SLC10A7: variants seen among roughly 807,000 people sequenced by gnomAD.
SLC10A7 encodes the protein sodium/bile acid cotransporter 7.
Under a neutral mutation model 43.2 loss-of-function variants are expected in SLC10A7, and 29 were observed. The ratio of observed to expected loss-of-function variants is 0.67; its 90% CI spans 0.50 to 0.92. SLC10A7 has a LOEUF of 0.92. Among genes scored for constraint, SLC10A7 ranks in the 40% least tolerant of loss-of-function variants. The probability of loss-of-function intolerance (pLI) is 0.00; values close to 1 mark genes in which losing one functional copy is unlikely to be tolerated. For missense variants in SLC10A7, 295 were observed against 403.2 expected, an observed-to-expected ratio of 0.73 and a Z score of 2.30; for synonymous variants, 152 against 144.8, an observed-to-expected ratio of 1.05 and a Z score of -0.35.
intron 3 of SLC10A7, among the ~76,000 whole-genome samples, chr4:146,509,114 A>G (rs1737201177): frequency 6.6e-6 from 1 of 152,144 alleles, no homozygotes; most frequent in African/African-American, 2.4e-5. Context: ...CCACTTTCAC[A>G]TATCTCACTG....
chr4:146,268,381 T>C, intron 10 of SLC10A7, among the ~76,000 whole-genome samples: 1 of 152,274 alleles, frequency 6.6e-6, no homozygotes, highest in East Asian at 1.9e-4. Context: ...ATAAACTTGA[T>C]GTCTAAGGCC....
At chr4:146,494,426 C>G (rs1227233438) in intron 4 of SLC10A7, among the ~76,000 whole-genome samples, 1 of 152,072 alleles carries the variant, frequency 6.6e-6, no homozygotes, top group African/African-American at 2.4e-5. Context: ...GTCTGAGGCA[C>G]AGTCAAACCC....
At chr4:146,476,715 T>A (rs1164846408) in intron 4 of SLC10A7, among the ~76,000 whole-genome samples, 1 of 152,188 alleles carries the variant, frequency 6.6e-6, no homozygotes, top group Admixed American at 6.5e-5. Flanking sequence ...TATGGTTTTC[T>A]CTAATATTAC....
intron 6 of SLC10A7, 26 bp downstream of exon 6, chr4:146,325,935 A>G (rs1388205781): frequency 1.3e-6 from 2 of 1,599,256 alleles, no homozygotes; most frequent in South Asian, 2.2e-5. Flanking sequence ...AATAAAATAT[A>G]TTAAAGACAA....
At chr4:146,303,358 C>T (rs1218238789) in intron 7 of SLC10A7, among the ~76,000 whole-genome samples, 1 of 150,852 alleles carries the variant, frequency 6.6e-6, no homozygotes, top group Non-Finnish European at 1.5e-5. Flanking sequence ...CGTCTATGCA[C>T]ACATTTCTTT....
At chr4:146,269,023 C>T (rs1728737594) in intron 10 of SLC10A7, among the ~76,000 whole-genome samples, 2 of 152,150 alleles carry the variant, frequency 1.3e-5, no homozygotes, top group Non-Finnish European at 1.5e-5. Flanking sequence ...TGGTTGATTA[C>T]CATTTTTAGG....
chr4:146,420,662 T>TAA (rs1383592540), intron 5 of SLC10A7, among the ~76,000 whole-genome samples: 2 of 152,164 alleles, frequency 1.3e-5, no homozygotes, highest in Non-Finnish European at 2.9e-5. Context: ...TTTCTAATTT[T>TAA]AAAAATGTTG....
At chr4:146,404,056 CAT>C (rs1478703995) in intron 5 of SLC10A7, among the ~76,000 whole-genome samples, 2 of 151,714 alleles carry the variant, frequency 1.3e-5, no homozygotes, top group African/African-American at 4.9e-5. Context: ...TGTTTTAAGA[CAT>C]GATCTTGCTA....
Position 146,288,120 on chromosome 4 carries a change from CA to C in SLC10A7, c.773+4808del, listed in dbSNP as rs139388466. On this transcript the variant is annotated intron_variant, in intron 9 of 11. Coordinates refer to ENST00000335472, the MANE Select transcript of SLC10A7 (RefSeq NM_001029998.6). ...TAACACTGCTCTACAGTCTTATCGA[CA>C]AAAAGTCCATGAGTGGGAAGGAGGA... is the stretch of plus-strand genomic sequence containing the variant. Among the ~76,000 whole-genome samples, 1,021 of 152,228 alleles carry C rather than the reference CA, an allele frequency of 6.7e-3. 13 individuals are homozygous for C. The highest frequency in any genetic ancestry group is 0.024 in the African/African-American group (986 of 41,538).
intron 5 of SLC10A7, among the ~76,000 whole-genome samples, chr4:146,372,317 G>A (rs901241432): frequency 4.0e-5 from 6 of 151,836 alleles, no homozygotes; most frequent in African/African-American, 1.5e-4. Context: ...AGCTGGACAT[G>A]GTGGCATACA....
chr4:146,267,563 G>A (rs2111030450), intron 10 of SLC10A7, among the ~76,000 whole-genome samples: 1 of 152,242 alleles, frequency 6.6e-6, no homozygotes, highest in Middle Eastern at 3.4e-3. Context: ...CCTTACCCTT[G>A]CCAGTGATTT....
At chr4:146,425,367 T>C (rs868338582) in intron 5 of SLC10A7, among the ~76,000 whole-genome samples, 4 of 152,364 alleles carry the variant, frequency 2.6e-5, no homozygotes, top group Middle Eastern at 6.8e-3. Flanking sequence ...AGAGCAATGA[T>C]GAAAATGTTC....
At chr4:146,503,969 T>C (rs1560973756) in intron 3 of SLC10A7, 45 bp from the exon 4 acceptor site, 3 of 1,499,270 alleles carry the variant, frequency 2.0e-6, no homozygotes, top group African/African-American at 1.4e-5. Context: ...TTTATAATCA[T>C]AGACAGCTTT....
chr4:146,374,214 G>C (rs1227896396), intron 5 of SLC10A7, among the ~76,000 whole-genome samples: 1 of 152,182 alleles, frequency 6.6e-6, no homozygotes, highest in Admixed American at 6.5e-5. Flanking sequence ...GATTACATGA[G>C]ATGACACATA....
chr4:146,279,907 C>A (rs1729437320), intron 10 of SLC10A7, among the ~76,000 whole-genome samples: 2 of 151,966 alleles, frequency 1.3e-5, no homozygotes, highest in Admixed American at 1.3e-4. Flanking sequence ...CTAATAAAAG[C>A]AATGAATCAA....
At chr4:146,381,983 T>G (rs939630756) in intron 5 of SLC10A7, among the ~76,000 whole-genome samples, 5 of 152,058 alleles carry the variant, frequency 3.3e-5, no homozygotes, top group Admixed American at 6.6e-5. Context: ...AAATAATGAT[T>G]TCTAAACCTA....
intron 6 of SLC10A7, among the ~76,000 whole-genome samples, chr4:146,323,130 G>A (rs1003857643): frequency 6.6e-6 from 1 of 152,192 alleles, no homozygotes; most frequent in African/African-American, 2.4e-5. Context: ...CTTGTCAGAT[G>A]AGTAGATTGC....
At chr4:146,359,371 G>A (rs1315748277) in intron 5 of SLC10A7, among the ~76,000 whole-genome samples, 2 of 152,066 alleles carry the variant, frequency 1.3e-5, no homozygotes, top group Non-Finnish European at 2.9e-5. Flanking sequence ...TCAATAAATA[G>A]ATGTTTTTAA....
intron 3 of SLC10A7, among the ~76,000 whole-genome samples, chr4:146,504,588 G>C (rs1317693491): frequency 1.3e-5 from 2 of 151,528 alleles, no homozygotes; most frequent in African/African-American, 4.8e-5. Flanking sequence ...ATAGTCTTAG[G>C]TTATTTTTAG....
Sources: allele counts gnomAD v4.1 joint callset (sites outside exome capture counted in the v4.1 genomes callset), GRCh38; gene constraint gnomAD v4.1.1; transcripts MANE v1.5; gene names NCBI Gene and HGNC (gene_info 2026-07-23, HGNC 2026-07-21).